Variants in ADSS1 observed in about 807,000 individuals in gnomAD.
The protein encoded by ADSS1 is adenylosuccinate synthetase isozyme 1.
In ADSS1, 57 loss-of-function variants were observed where a neutral mutation model predicts 59.1. The observed-to-expected ratio is 0.97, with a 90% CI of 0.78 to 1.20. The LOEUF (loss-of-function observed/expected upper bound fraction) is 1.20, where lower values mean the gene tolerates loss of function less well. Ranked by LOEUF, ADSS1 falls within the 50% of genes most tolerant of loss-of-function variation. The pLI, the probability that ADSS1 is intolerant of heterozygous loss-of-function variation, is 0.00. For synonymous variants in ADSS1, 247 were observed against 249.4 expected, an observed-to-expected ratio of 0.99 and a Z score of 0.09; for missense variants, 603 against 610.3, an observed-to-expected ratio of 0.99 and a Z score of 0.13.
chr14:104,731,533 T>C (rs1890931270), intron 1 of ADSS1, among the ~76,000 whole-genome samples: 2 of 152,174 alleles, frequency 1.3e-5, no homozygotes, highest in Admixed American at 6.5e-5. Flanking sequence ...TAGAGGACCC[T>C]GAGTGGTGGC....
chr14:104,739,476 C>G (rs556443580), intron 4 of ADSS1, 98 bp downstream of exon 4: 1 of 1,365,782 alleles, frequency 7.3e-7, no homozygotes, highest in African/African-American at 1.4e-5. Flanking sequence ...GGGAAGTCCC[C>G]AAGGCCTTCT....
intron 1 of ADSS1, among the ~76,000 whole-genome samples, chr14:104,726,577 T>C (rs1184287433): frequency 6.6e-6 from 1 of 152,128 alleles, no homozygotes. Flanking sequence ...GACCACCCCA[T>C]GTCGTCAGAG....
At chr14:104,728,970 C>T (rs1476518886) in intron 1 of ADSS1, among the ~76,000 whole-genome samples, 1 of 152,200 alleles carries the variant, frequency 6.6e-6, no homozygotes, top group Non-Finnish European at 1.5e-5. Context: ...AGTGCAGTGG[C>T]GTTGAGGCAC....
At chr14:104,744,122 G>A (rs1891471609) in intron 10 of ADSS1, among the ~76,000 whole-genome samples, 1 of 152,202 alleles carries the variant, frequency 6.6e-6, no homozygotes, top group African/African-American at 2.4e-5. Flanking sequence ...GGACAAGGGT[G>A]CCATGCTCAC....
At chr14:104,744,704 G>T in intron 10 of ADSS1, 108 bp from the exon 11 acceptor site, 1 of 1,044,260 alleles carries the variant, frequency 9.6e-7, no homozygotes, top group East Asian at 2.5e-5. Flanking sequence ...CCCAGGGACT[G>T]GGGACCCCTG....
At chr14:104,737,384 C>A (rs1017441375) in intron 2 of ADSS1, 2 of 152,224 alleles carry the variant, frequency 1.3e-5, no homozygotes, top group African/African-American at 4.8e-5. Flanking sequence ...ATGCATTTAA[C>A]TTTCCTCTAT....
intron 1 of ADSS1, among the ~76,000 whole-genome samples, chr14:104,726,396 G>A (rs371658499): frequency 5.3e-5 from 8 of 152,224 alleles, no homozygotes; most frequent in South Asian, 2.1e-4. Context: ...GCGGGGCGCC[G>A]CTCTGCAAGG....
At chr14:104,743,014 C>G (rs1566802269) in intron 9 of ADSS1, 53 bp from the exon 10 acceptor site, 1 of 1,605,012 alleles carries the variant, frequency 6.2e-7, no homozygotes, top group Non-Finnish European at 8.5e-7. Context: ...CAGGGCCAGG[C>G]TGCACAAGGC....
At chr14:104,739,480 G>A in intron 4 of ADSS1, 102 bp downstream of exon 4, 2 of 1,332,182 alleles carry the variant, frequency 1.5e-6, no homozygotes, top group Non-Finnish European at 2.1e-6. Context: ...AGTCCCCAAG[G>A]CCTTCTTGCT....
chr14:104,740,681 T>C lies in ADSS1; in HGVS notation c.557T>C (p.Leu186Pro), dbSNP rs375018442. Residue 186 changes from leucine to proline, a missense_variant, in exon 6 of 13, where the codon CTG (leucine) becomes CCG (proline). Coordinates refer to ENST00000330877, the MANE Select transcript of ADSS1 (RefSeq NM_152328.5). The surrounding 1 kb of genome is among the most constrained non-coding windows in gnomAD (Gnocchi z 4.8). The stretch of plus-strand genomic sequence containing the variant: ...ACAGGCCTCCGCATCTGCGACCTCC[T>C]GTCAGATTTTGATGAGTTTTCCTCC... Reference protein sequence around the residue: ...ARTGLRICDLLSDFDEFSSRF... With the variant: ...ARTGLRICDLPSDFDEFSSRF... 4.5e-5 allele frequency: 73 copies of C among 1,613,700 alleles called. No individual in the cohort carries two copies. Among genetic ancestry groups the C allele is most frequent in the Non-Finnish European group, 5.3e-5 (62 of 1,179,992 alleles).
rs1386830342 is a variant in ADSS1, at chr14:104,743,007, G to A, written c.949-60G>A. ...GTGCAGGGAGGAGGGGGAGCAGCAG[G>A]GCCAGGCTGCACAAGGCTCCCACGA... is the stretch of plus-strand genomic sequence containing the variant. On this transcript the variant is annotated intron_variant, in intron 9 of 12. Coordinates refer to ENST00000330877, the MANE Select transcript of ADSS1 (RefSeq NM_152328.5). 9.4e-6 allele frequency: 15 copies of A among 1,602,808 alleles called. No homozygotes were observed. In the East Asian group the frequency reaches 3.4e-4, roughly 36 times the overall value.
At position 104,724,279 on chromosome 14, in the gene ADSS1, G is replaced by T; in HGVS notation, c.9G>T (p.Gly3=). The stretch of plus-strand genomic sequence containing the variant: ...GGAAGAGCCAAGCCAGCATGTCGGG[G>T]ACCCGAGCCTCCAACGACCGGCCCC... MS[G]TRASNDRPPG... Residue 3 remains glycine (G), a synonymous_variant, in exon 1 of 13, where the codon GGG becomes GGT. Coordinates refer to ENST00000330877, the MANE Select transcript of ADSS1 (RefSeq NM_152328.5). The T allele has an allele frequency of 8.1e-7, 1 of 1,230,082 alleles. No homozygotes were observed. The highest frequency in any genetic ancestry group is 1.0e-6 in the Non-Finnish European group (1 of 985,396). The allele number at this position is 1,230,082 out of a possible 1,614,324, so 76.2% of individuals were successfully genotyped here. A position where few individuals can be genotyped will look rare whatever the true frequency, so the allele number is the denominator to read the frequency against.
Position 104,740,988 on chromosome 14 carries a change from GT to G in ADSS1, c.666+69del, listed in dbSNP as rs1313306880. ...CCAGGGAGGCTGGATGTCCTACCTG[GT>G]GCTCGTTGAACACCCTTGGGGCACA... On this transcript the variant is annotated intron_variant, in intron 7 of 12. Coordinates refer to ENST00000330877, the MANE Select transcript of ADSS1 (RefSeq NM_152328.5). The surrounding 1 kb of genome is among the most constrained non-coding windows in gnomAD (Gnocchi z 4.8). 1.9e-6 allele frequency: 3 copies of G among 1,610,726 alleles called. No homozygotes were observed. In the Admixed American group the frequency reaches 5.0e-5, roughly 27 times the overall value.
At position 104,740,565 on chromosome 14, in the gene ADSS1, C is replaced by T. The variant is rs1478938068; in HGVS notation, c.477-36C>T. On this transcript the variant is annotated intron_variant, in intron 5 of 12. Transcript: ENST00000330877. The surrounding 1 kb of genome is among the most constrained non-coding windows in gnomAD (Gnocchi z 4.8). ...GGGATGCCTGAGCTCCTCAGGGCTCCTGGGTTCTCATGGGTACCCACTCCC... is the reference window on the plus strand; with the variant it reads ...GGGATGCCTGAGCTCCTCAGGGCTCTTGGGTTCTCATGGGTACCCACTCCC... 1 of 1,599,762 alleles carries T rather than the reference C, an allele frequency of 6.3e-7. No homozygotes were observed.
intron 3 of ADSS1, 26 bp from the exon 4 acceptor site, chr14:104,739,302 C>T (rs1485341103): frequency 6.2e-7 from 1 of 1,602,120 alleles, no homozygotes; most frequent in South Asian, 1.1e-5. Context: ...TGAACACTGA[C>T]CCACCTGTGT....
At chr14:104,741,093 C>G (rs1891331132) in intron 7 of ADSS1, 24 bp from the exon 8 acceptor site, 2 of 1,589,952 alleles carry the variant, frequency 1.3e-6, no homozygotes, top group Admixed American at 3.4e-5. Flanking sequence ...CAGGCTCACT[C>G]TGCTGCTTGG....
intron 1 of ADSS1, among the ~76,000 whole-genome samples, chr14:104,729,347 C>A (rs528023540): frequency 6.6e-6 from 1 of 152,284 alleles, no homozygotes; most frequent in South Asian, 2.1e-4. Flanking sequence ...GGCTGCAGGG[C>A]AAGGCTGGGA....
chr14:104,726,511 T>G (rs1220912349), intron 1 of ADSS1, among the ~76,000 whole-genome samples: 1 of 151,942 alleles, frequency 6.6e-6, no homozygotes, highest in Non-Finnish European at 1.5e-5. Context: ...GCGGTGGGGG[T>G]TCTCCCCTAC....
intron 12 of ADSS1, 74 bp from the exon 13 acceptor site, chr14:104,746,877 A>G (rs1054755046): frequency 4.8e-6 from 7 of 1,468,852 alleles, no homozygotes; most frequent in Non-Finnish European, 6.7e-6. Flanking sequence ...ACAGAAAGAT[A>G]CGACACTAAA....
Sources: allele counts gnomAD v4.1 joint callset (sites outside exome capture counted in the v4.1 genomes callset), GRCh38; gene constraint gnomAD v4.1.1; non-coding constraint Gnocchi (gnomAD v3.1); transcripts MANE v1.5; gene names NCBI Gene and HGNC (gene_info 2026-07-23, HGNC 2026-07-21).